The following PRKAR2A variants were observed in gnomAD, a reference collection of about 807,000 sequenced individuals.
PRKAR2A encodes the protein cAMP-dependent protein kinase type II-alpha regulatory subunit.
Under a neutral mutation model 51.9 loss-of-function variants are expected in PRKAR2A, and 29 were observed. That is an observed-to-expected ratio of 0.56 (90% CI 0.42 to 0.76). The LOEUF is 0.76. PRKAR2A is among the 30% of genes least tolerant of loss of function. The pLI is 0.00. For missense variants in PRKAR2A, 445 were observed against 512.1 expected, an observed-to-expected ratio of 0.87 and a Z score of 1.26; for synonymous variants, 178 against 186.2, an observed-to-expected ratio of 0.96 and a Z score of 0.36.
At chr3:48,823,442 A>G (rs1559642320) in intron 1 of PRKAR2A, among the ~76,000 whole-genome samples, 1 of 149,972 alleles carries the variant, frequency 6.7e-6, no homozygotes, top group East Asian at 1.9e-4. Flanking sequence ...TGTGTGGAGG[A>G]AAAAAAAACA....
chr3:48,776,524 A>G (rs1462425355), intron 5 of PRKAR2A, among the ~76,000 whole-genome samples: 2 of 151,998 alleles, frequency 1.3e-5, no homozygotes, highest in African/African-American at 2.4e-5. Context: ...ACGCCTGTGT[A>G]TGTGTGTATA....
In PRKAR2A at chr3:48,812,472, T is replaced by C. The variant is rs377706586; in HGVS notation, c.263-4788A>G. On this transcript the variant is annotated intron_variant, in intron 1 of 10. Transcript: ENST00000265563. Reference sequence around the variant, plus strand: ...TTATTCATTTGGTGTTACAGGCAACTTTGAGCAGAAAAAGCTTTTTTTTTT... The same window carrying C: ...TTATTCATTTGGTGTTACAGGCAACCTTGAGCAGAAAAAGCTTTTTTTTTT... Among the ~76,000 whole-genome samples, 18 of 152,052 alleles carry C rather than the reference T, an allele frequency of 1.2e-4. No individual in the cohort carries two copies. The East Asian group carries it at 2.5e-3, about 21-fold the overall frequency.
chr3:48,789,057 C>T (rs563864284), intron 4 of PRKAR2A, among the ~76,000 whole-genome samples: 1 of 152,228 alleles, frequency 6.6e-6, no homozygotes, highest in Non-Finnish European at 1.5e-5. Context: ...AAGGGAACTA[C>T]ATACCAGCAT....
rs1425844304 is a variant in PRKAR2A, at chr3:48,807,645, A to G, written c.298+4T>C. 6.3e-7 allele frequency: 1 copy of G among 1,586,706 alleles called. No individual in the cohort carries two copies. The highest frequency in any genetic ancestry group is 8.6e-7 in the Non-Finnish European group (1 of 1,156,398). The stretch of plus-strand genomic sequence containing the variant: ...AGAAGTATGTTATGAAATAGAACAC[A>G]TACCTGATACTCGTCTATTAAATCT... On this transcript the variant is annotated splice_donor_region_variant and intron_variant, in intron 2 of 10. Coordinates refer to ENST00000265563, the MANE Select transcript of PRKAR2A (RefSeq NM_004157.4).
chr3:48,765,218 A>G, intron 7 of PRKAR2A, 30 bp downstream of exon 7: 1 of 1,576,170 alleles, frequency 6.3e-7, no homozygotes. Context: ...CCTGATCCCC[A>G]TGAACAGATT....
chr3:48,792,149 GTTTTT>G (rs1193056517), intron 3 of PRKAR2A, among the ~76,000 whole-genome samples: 2 of 146,990 alleles, frequency 1.4e-5, no homozygotes, highest in Non-Finnish European at 3.0e-5. Context: ...TAAAGTTTTG[GTTTTT>G]TTTTTGAGAT....
chr3:48,825,509 T>C (rs1453448828), intron 1 of PRKAR2A, among the ~76,000 whole-genome samples: 3 of 152,066 alleles, frequency 2.0e-5, no homozygotes, highest in Non-Finnish European at 4.4e-5. Flanking sequence ...CTGGGCATGG[T>C]GGCATGCGCC....
intron 4 of PRKAR2A, among the ~76,000 whole-genome samples, chr3:48,783,750 T>C (rs2082244752): frequency 6.6e-6 from 1 of 152,142 alleles, no homozygotes. Context: ...CTGGCAAATT[T>C]TTATATTTTT....
intron 1 of PRKAR2A, among the ~76,000 whole-genome samples, chr3:48,840,920 T>C (rs1191093017): frequency 2.4e-5 from 3 of 123,116 alleles, no homozygotes; most frequent in African/African-American, 6.2e-5. Flanking sequence ...TCGCTCTTGT[T>C]GCCCAGGCTG....
chr3:48,753,505 C>G (rs1215268447), intron 9 of PRKAR2A, among the ~76,000 whole-genome samples: 2 of 152,112 alleles, frequency 1.3e-5, no homozygotes, highest in Non-Finnish European at 2.9e-5. Flanking sequence ...CACTTCTGCC[C>G]TGTTGCTCTG....
chr3:48,782,837 A>C, intron 5 of PRKAR2A, 149 bp downstream of exon 5: 1 of 608,986 alleles, frequency 1.6e-6, no homozygotes, highest in South Asian at 2.1e-5. Flanking sequence ...GTAGAGAGGG[A>C]CAAGCTGTGG....
intron 1 of PRKAR2A, among the ~76,000 whole-genome samples, chr3:48,842,980 G>C (rs1386812831): frequency 6.6e-6 from 1 of 152,050 alleles, no homozygotes; most frequent in Admixed American, 6.6e-5. Flanking sequence ...AATAGTTTCA[G>C]AAGGAATGGT....
At chr3:48,834,684 G>A (rs2083250107) in intron 1 of PRKAR2A, among the ~76,000 whole-genome samples, 2 of 148,398 alleles carry the variant, frequency 1.3e-5, no homozygotes, top group Admixed American at 6.8e-5. Flanking sequence ...CATGATCATC[G>A]CTGCACTCTA....
At chr3:48,745,527 G>GTTT (rs34668049), downstream of PRKAR2A, among the ~76,000 whole-genome samples, 120 of 70,422 alleles carry the variant, frequency 1.7e-3, 1 homozygote, top group African/African-American at 4.0e-3. Flanking sequence ...TTTGGATAAG[G>GTTT]TTTTTTTTTT....
At chr3:48,752,370 A>G (rs1158650527) in intron 9 of PRKAR2A, 53 bp from the exon 10 acceptor site, 32 of 1,581,928 alleles carry the variant, frequency 2.0e-5, no homozygotes, top group Non-Finnish European at 6.9e-6. Flanking sequence ...ACAGCTGGGC[A>G]TGTCCAGTTG....
rs914039207 is a variant in PRKAR2A, at chr3:48,747,155, C to T, written c.*4430G>A. The T allele has an allele frequency of 6.7e-6, 1 of 148,206 alleles. No homozygotes were observed. The highest frequency in any genetic ancestry group is 1.5e-5 in the Non-Finnish European group (1 of 67,658). 9.2% of individuals were successfully genotyped at this position (148,206 alleles called of 1,614,324 possible). ...AATAGACAATAGAATCATTGAGGAA[C>T]GTCAGCAGTCAAGACAGGAGGAACA... is the stretch of plus-strand genomic sequence containing the variant. On this transcript the variant is annotated 3_prime_UTR_variant, in exon 11 of 11. Transcript: ENST00000265563.
At chr3:48,784,212 C>T (rs1363026459) in intron 4 of PRKAR2A, among the ~76,000 whole-genome samples, 1 of 152,066 alleles carries the variant, frequency 6.6e-6, no homozygotes, top group Non-Finnish European at 1.5e-5. Context: ...CTAAAGAATA[C>T]CAGGTTCAAT....
chr3:48,833,096 C>T (rs921900539), intron 1 of PRKAR2A, among the ~76,000 whole-genome samples: 2 of 152,126 alleles, frequency 1.3e-5, no homozygotes, highest in African/African-American at 4.8e-5. Context: ...TTAACACTGG[C>T]GCAATCACAG....
At chr3:48,776,272 A>T (rs2082103696) in intron 5 of PRKAR2A, among the ~76,000 whole-genome samples, 1 of 152,174 alleles carries the variant, frequency 6.6e-6, no homozygotes, top group Admixed American at 6.6e-5. Flanking sequence ...AGGTAATTAA[A>T]GCTTATAGCA....
Sources: allele counts gnomAD v4.1 joint callset (sites outside exome capture counted in the v4.1 genomes callset), GRCh38; gene constraint gnomAD v4.1.1; transcripts MANE v1.5; gene names NCBI Gene and HGNC (gene_info 2026-07-23, HGNC 2026-07-21).